The following PRKAG2 variants were observed in gnomAD, a reference collection of about 807,000 sequenced individuals.
PRKAG2 encodes protein kinase AMP-activated non-catalytic subunit gamma 2.
A neutral mutation model predicts 69.6 loss-of-function variants in PRKAG2; 26 were observed. The observed-to-expected ratio is 0.37, with a 90% confidence interval of 0.27 to 0.52. The LOEUF (loss-of-function observed/expected upper bound fraction) is 0.52. Among genes scored for constraint, PRKAG2 ranks in the 20% least tolerant of loss-of-function variants. The pLI, the probability that PRKAG2 is intolerant of heterozygous loss-of-function variation, is 0.90. For synonymous variants in PRKAG2, 293 were observed against 285.0 expected, an observed-to-expected ratio of 1.03 and a Z score of -0.28; for missense variants, 557 against 740.0, an observed-to-expected ratio of 0.75 and a Z score of 2.87.
At chr7:151,713,445 ATTTTC>A (rs1795634867) in intron 3 of PRKAG2, among the ~76,000 whole-genome samples, 2 of 152,276 alleles carry the variant, frequency 1.3e-5, no homozygotes, top group Admixed American at 6.5e-5. Context: ...GTAATGCAGT[ATTTTC>A]TTTTTTTACT....
intron 3 of PRKAG2, among the ~76,000 whole-genome samples, chr7:151,741,209 T>C (rs2151711726): frequency 6.6e-6 from 1 of 150,836 alleles, no homozygotes; most frequent in African/African-American, 2.5e-5. Flanking sequence ...TGAGACCCTG[T>C]CTCAAAAAAT....
chr7:151,559,143 T>C (rs1002877373), intron 15 of PRKAG2: 1 of 985,094 alleles, frequency 1.0e-6, no homozygotes, highest in South Asian at 4.7e-5. Context: ...GAAATTTATA[T>C]GAATTTAATG....
intron 4 of PRKAG2, among the ~76,000 whole-genome samples, chr7:151,664,697 G>T (rs1021770329): frequency 1.3e-5 from 2 of 152,176 alleles, no homozygotes; most frequent in African/African-American, 2.4e-5. Flanking sequence ...GCCAGCCCAA[G>T]TTAGGGAAAA....
rs921074532 is a variant in PRKAG2 at position 151,780,783 on chromosome 7, G to A, written c.466+369C>T. Among the ~76,000 whole-genome samples the A allele has an allele frequency of 2.0e-5, 3 of 152,192 alleles. No individual in the cohort carries two copies. Among genetic ancestry groups the A allele is most frequent in the African/African-American group, 4.8e-5 (2 of 41,448 alleles). On this transcript the variant is annotated intron_variant, in intron 3 of 15. Coordinates refer to ENST00000287878, the MANE Select transcript of PRKAG2 (RefSeq NM_016203.4). The surrounding 1 kb of genome is among the most constrained non-coding windows in gnomAD (Gnocchi z 4.2). The stretch of plus-strand genomic sequence containing the variant: ...CAAAGCAGTATGGTCCCGTGGCCCC[G>A]GGTGAGGGCCTAAGCTTGGCTCCAT...
intron 1 of PRKAG2, chr7:151,806,509 T>C (rs2078109688): frequency 6.4e-6 from 1 of 156,834 alleles, no homozygotes; most frequent in Non-Finnish European, 1.4e-5. Context: ...TGGAATGTTA[T>C]CAACTTCGGT....
intron 4 of PRKAG2, chr7:151,674,942 ACAGAGT>A (rs1046950723): frequency 6.2e-6 from 1 of 160,852 alleles, no homozygotes; most frequent in African/African-American, 2.4e-5. Context: ...TTTTTTTCAG[ACAGAGT>A]CTGCTCTGTT....
chr7:151,568,647 A>G, intron 11 of PRKAG2, 69 bp downstream of exon 11: 2 of 1,562,230 alleles, frequency 1.3e-6, no homozygotes, highest in South Asian at 2.3e-5. Context: ...ACAGGAGCCA[A>G]TTTACTTGAA....
intron 6 of PRKAG2, among the ~76,000 whole-genome samples, chr7:151,580,604 A>G (rs1318994925): frequency 6.6e-6 from 1 of 152,180 alleles, no homozygotes; most frequent in Non-Finnish European, 1.5e-5. Flanking sequence ...GGGACTTGGT[A>G]AAATTATTAT....
intron 1 of PRKAG2, among the ~76,000 whole-genome samples, chr7:151,798,825 C>A (rs1180922614): frequency 1.3e-5 from 2 of 152,150 alleles, no homozygotes; most frequent in East Asian, 3.9e-4. Context: ...ACTTTATGCC[C>A]AGAAATACAC....
chr7:151,754,469 G>A (rs2074928941), intron 3 of PRKAG2, among the ~76,000 whole-genome samples: 1 of 152,228 alleles, frequency 6.6e-6, no homozygotes, highest in African/African-American at 2.4e-5. Flanking sequence ...CTCCAGCTGT[G>A]GCCAGTGAGC....
intron 1 of PRKAG2, among the ~76,000 whole-genome samples, chr7:151,840,673 G>C (rs9648729): frequency 0.44 from 66,931 of 152,084 alleles, 14,910 homozygotes; most frequent in Middle Eastern, 0.53. Flanking sequence ...TCACTGTTCT[G>C]TGAAACATGA....
rs139870649 is a variant in PRKAG2 at position 151,618,335 on chromosome 7, C to T, written c.754+13734G>A. Among the ~76,000 whole-genome samples, 1,182 of 152,054 alleles carry T rather than the reference C, an allele frequency of 7.8e-3. 20 individuals carry two copies. Among genetic ancestry groups the T allele is most frequent in the African/African-American group, 0.027 (1,109 of 41,454 alleles). ...GGGCATGGTGGTGGGTGCCTGTAAT[C>T]CCAGCTACTCAGGAGCCTGAGGCAG... On this transcript the variant is annotated intron_variant, in intron 5 of 15. Coordinates refer to ENST00000287878, the MANE Select transcript of PRKAG2 (RefSeq NM_016203.4).
At chr7:151,610,833 C>A (rs1459820029) in intron 5 of PRKAG2, among the ~76,000 whole-genome samples, 1 of 141,596 alleles carries the variant, frequency 7.1e-6, no homozygotes, top group East Asian at 2.2e-4. Flanking sequence ...AGTGGTGCAA[C>A]CTCCATCTCC....
At chr7:151,611,690 A>G (rs1818906975) in intron 5 of PRKAG2, among the ~76,000 whole-genome samples, 1 of 152,136 alleles carries the variant, frequency 6.6e-6, no homozygotes, top group East Asian at 1.9e-4. Context: ...CTTAGAAAAG[A>G]CGTTGGCGCA....
At chr7:151,810,569 C>T (rs958080970) in intron 1 of PRKAG2, 1 of 152,632 alleles carries the variant, frequency 6.6e-6, no homozygotes, top group African/African-American at 2.4e-5. Context: ...AAAGTTGCCA[C>T]CCCCGCAACA....
intron 5 of PRKAG2, among the ~76,000 whole-genome samples, chr7:151,605,081 A>G (rs1358380248): frequency 6.6e-6 from 1 of 152,116 alleles, no homozygotes; most frequent in Non-Finnish European, 1.5e-5. Context: ...CAGTGGCACA[A>G]TCTCAACTCA....
chr7:151,842,425 TGGGG>T (rs2079325769), intron 1 of PRKAG2, among the ~76,000 whole-genome samples: 1 of 130,936 alleles, frequency 7.6e-6, no homozygotes, highest in African/African-American at 3.0e-5. Flanking sequence ...TGATGGTAGG[TGGGG>T]ATGGTAGTGA....
intron 1 of PRKAG2, among the ~76,000 whole-genome samples, chr7:151,839,866 A>G (rs2079235091): frequency 6.6e-6 from 1 of 152,188 alleles, no homozygotes; most frequent in Admixed American, 6.5e-5. Context: ...CCCAGGAGCC[A>G]CAGCAGAGGA....
intron 1 of PRKAG2, among the ~76,000 whole-genome samples, chr7:151,840,337 G>T (rs1008457956): frequency 2.0e-5 from 3 of 152,056 alleles, no homozygotes; most frequent in Non-Finnish European, 4.4e-5. Context: ...AGCAGCAGCT[G>T]GCCCAGCAGC....
Sources: allele counts gnomAD v4.1 joint callset (sites outside exome capture counted in the v4.1 genomes callset), GRCh38; gene constraint gnomAD v4.1.1; non-coding constraint Gnocchi (gnomAD v3.1); transcripts MANE v1.5; gene names NCBI Gene and HGNC (gene_info 2026-07-23, HGNC 2026-07-21).